GLCCI1: variants seen among roughly 807,000 people sequenced by gnomAD.
GLCCI1 encodes glucocorticoid-induced transcript 1 protein.
In GLCCI1, 24 loss-of-function variants were observed where a neutral mutation model predicts 52.2. That is an observed-to-expected ratio of 0.46 (90% CI 0.33 to 0.65). The LOEUF is 0.65. Among genes scored for constraint, GLCCI1 ranks in the 30% least tolerant of loss-of-function variants. The pLI is 0.02. For missense variants in GLCCI1, 704 were observed against 701.5 expected (o/e 1.00, Z -0.04); for synonymous variants, 310 against 276.5 (o/e 1.12, Z -1.20).
rs1783141700 is a variant in GLCCI1 at position 8,087,498 on chromosome 7, TAAGTG to T, written c.*966_*970del. On this transcript the variant is annotated 3_prime_UTR_variant, in exon 8 of 8. Coordinates refer to ENST00000223145, the MANE Select transcript of GLCCI1 (RefSeq NM_138426.4). Reference sequence around the variant, plus strand: ...AGAATGTCTAGAGTTAATTTCAAAATAAGTGAAGTGTTTGACGGAATGGTTGAGAT... The same window carrying T: ...AGAATGTCTAGAGTTAATTTCAAAATAAGTGTTTGACGGAATGGTTGAGAT... 1 of 152,774 alleles carries T rather than the reference TAAGTG, an allele frequency of 6.5e-6. No individual in the cohort carries two copies. The highest frequency in any genetic ancestry group is 2.1e-4 in the South Asian group (1 of 4,832). The allele number at this position is 152,774 out of a possible 1,614,324, so 9.5% of individuals were successfully genotyped here.
At chr7:8,037,838 A>G (rs1238531142) in intron 3 of GLCCI1, among the ~76,000 whole-genome samples, 1 of 152,212 alleles carries the variant, frequency 6.6e-6, no homozygotes, top group Non-Finnish European at 1.5e-5. Flanking sequence ...ACAAGAAGAT[A>G]TAGCAATTCT....
At chr7:7,976,594 A>G (rs1274954896) in intron 1 of GLCCI1, among the ~76,000 whole-genome samples, 1 of 151,198 alleles carries the variant, frequency 6.6e-6, no homozygotes, top group African/African-American at 2.4e-5. Context: ...AGTGTCCAAA[A>G]TTGTCTACCA....
At chr7:8,014,990 T>TC (rs1204640311) in intron 2 of GLCCI1, among the ~76,000 whole-genome samples, 1 of 152,200 alleles carries the variant, frequency 6.6e-6, no homozygotes, top group African/African-American at 2.4e-5. Flanking sequence ...GACTTCAGTC[T>TC]ATGGAGTTTT....
intron 2 of GLCCI1, among the ~76,000 whole-genome samples, chr7:8,011,436 T>A (rs529448065): frequency 2.6e-5 from 4 of 152,354 alleles, no homozygotes; most frequent in Admixed American, 2.6e-4. Flanking sequence ...CTTAGTATAA[T>A]GATTTCAGGA....
intron 6 of GLCCI1, 72 bp downstream of exon 6, chr7:8,071,203 C>A (rs1206647850): frequency 5.1e-6 from 6 of 1,169,696 alleles, no homozygotes; most frequent in East Asian, 2.4e-5. Flanking sequence ...TAGACCATTA[C>A]ATCTTTTTTT....
intron 1 of GLCCI1, among the ~76,000 whole-genome samples, chr7:7,973,241 T>A (rs1226128339): frequency 6.6e-6 from 1 of 152,194 alleles, no homozygotes; most frequent in Admixed American, 6.5e-5. Flanking sequence ...AGCAGGATGT[T>A]AGTGTTAAAA....
chr7:8,084,861 C>T, intron 6 of GLCCI1, 36 bp from the exon 7 acceptor site: 1 of 1,606,848 alleles, frequency 6.2e-7, no homozygotes, highest in Non-Finnish European at 8.5e-7. Context: ...AAAGAGCTTT[C>T]AATCACTAGT....
At chr7:7,977,849 G>T (rs1780526769) in intron 1 of GLCCI1, among the ~76,000 whole-genome samples, 1 of 152,140 alleles carries the variant, frequency 6.6e-6, no homozygotes, top group East Asian at 1.9e-4. Flanking sequence ...TAAGTAATTT[G>T]CCCAAGGTCA....
chr7:8,047,848 C>G (rs1036381820), intron 3 of GLCCI1, among the ~76,000 whole-genome samples: 1 of 152,162 alleles, frequency 6.6e-6, no homozygotes, highest in Non-Finnish European at 1.5e-5. Flanking sequence ...TCCTGTGTTC[C>G]CTTTAAGTGA....
chr7:7,971,251 G>T (rs1780348511), intron 1 of GLCCI1, among the ~76,000 whole-genome samples: 1 of 152,202 alleles, frequency 6.6e-6, no homozygotes, highest in East Asian at 1.9e-4. Flanking sequence ...CTGAATGAAT[G>T]AATGAAAACA....
intron 3 of GLCCI1, among the ~76,000 whole-genome samples, chr7:8,026,753 A>T (rs1455045992): frequency 6.6e-6 from 1 of 152,242 alleles, no homozygotes; most frequent in Non-Finnish European, 1.5e-5. Context: ...CCAGAGGAGA[A>T]TCAACCATTC....
At chr7:7,990,652 A>G (rs74644695) in intron 1 of GLCCI1, among the ~76,000 whole-genome samples, 2,412 of 152,136 alleles carry the variant, frequency 0.016, 55 homozygotes, top group East Asian at 0.085. Flanking sequence ...GGCCTCTACA[A>G]AAGTGTGATT....
chr7:8,022,429 A>C (rs902845846), intron 2 of GLCCI1, 54 bp from the exon 3 acceptor site: 4 of 1,001,810 alleles, frequency 4.0e-6, no homozygotes, highest in Non-Finnish European at 4.1e-6. Flanking sequence ...GTTGCTTGAG[A>C]TTAGGAAGTA....
chr7:8,044,367 C>CTTTTTTTT (rs60118378), intron 3 of GLCCI1, among the ~76,000 whole-genome samples: 2 of 140,952 alleles, frequency 1.4e-5, no homozygotes, highest in African/African-American at 2.6e-5. Context: ...CCTTTTTGTA[C>CTTTTTTTT]TTTTTTTTTT....
At chr7:7,980,842 C>T in intron 1 of GLCCI1, 1 of 667,190 alleles carries the variant, frequency 1.5e-6, no homozygotes, top group Non-Finnish European at 2.7e-6. Flanking sequence ...GACTTTGTAC[C>T]ATATCAGGAT....
At chr7:8,083,106 A>G (rs1361869816) in intron 6 of GLCCI1, among the ~76,000 whole-genome samples, 3 of 152,158 alleles carry the variant, frequency 2.0e-5, no homozygotes, top group Non-Finnish European at 4.4e-5. Flanking sequence ...TGCCATATCT[A>G]CTTGTATTTT....
chr7:8,005,781 A>G (rs1781136719), intron 2 of GLCCI1, among the ~76,000 whole-genome samples: 1 of 150,856 alleles, frequency 6.6e-6, no homozygotes, highest in African/African-American at 2.5e-5. Flanking sequence ...AACATTATCT[A>G]GTTTTTTTTT....
At chr7:8,076,233 A>T (rs1472647753) in intron 6 of GLCCI1, among the ~76,000 whole-genome samples, 2 of 152,192 alleles carry the variant, frequency 1.3e-5, no homozygotes, top group African/African-American at 4.8e-5. Context: ...AAAAGCAGAT[A>T]TGATGGGTAT....
chr7:7,983,275 T>C (rs1368683249), intron 1 of GLCCI1, among the ~76,000 whole-genome samples: 1 of 151,898 alleles, frequency 6.6e-6, no homozygotes, highest in African/African-American at 2.4e-5. Flanking sequence ...ATAGGAAAAG[T>C]AATGAAATGA....
Sources: allele counts gnomAD v4.1 joint callset (sites outside exome capture counted in the v4.1 genomes callset), GRCh38; gene constraint gnomAD v4.1.1; transcripts MANE v1.5; gene names NCBI Gene and HGNC (gene_info 2026-07-23, HGNC 2026-07-21).